C1orf54: variants seen among roughly 807,000 people sequenced by gnomAD.
C1orf54 encodes chromosome 1 open reading frame 54.
C1orf54 carries 12 observed loss-of-function variants against 14.7 expected under a neutral mutation model. That is an observed-to-expected ratio of 0.82 (90% CI 0.52 to 1.32). The LOEUF (loss-of-function observed/expected upper bound fraction) is 1.32, where lower values mean the gene tolerates loss of function less well. Ranked by LOEUF, C1orf54 falls within the 40% of genes most tolerant of loss-of-function variation. The pLI, the probability that C1orf54 is intolerant of heterozygous loss-of-function variation, is 0.00. For missense variants in C1orf54, 163 were observed against 162.2 expected, an observed-to-expected ratio of 1.00 and a Z score of -0.03; for synonymous variants, 65 against 56.3, an observed-to-expected ratio of 1.16 and a Z score of -0.70.
At chr1:150,269,497 C>T (rs1553850838), upstream of C1orf54, 1 of 152,066 alleles carries the variant, frequency 6.6e-6, no homozygotes, top group African/African-American at 2.4e-5. Context: ...ACATGGAATA[C>T]AGTATATCGC....
upstream of C1orf54, chr1:150,269,000 C>T (rs587634729): frequency 1.4e-4 from 77 of 547,786 alleles, no homozygotes; most frequent in East Asian, 1.6e-3. Flanking sequence ...GCCACTTCCT[C>T]TACGGAAGCC....
rs782642891 is a variant in C1orf54 at position 150,279,718 on chromosome 1, G to C, written c.376G>C (p.Val126Leu). ...CCTCCTGTCGTGTGCCTTTGTTCAG[G>C]TGGGGATGTATTTCATGTAGAAGGT... Reference protein sequence around the residue: ...PLLLSCAFVQVGMYFM With the variant: ...PLLLSCAFVQLGMYFM Residue 126 changes from valine to leucine, a missense_variant, in exon 5 of 6, where the codon GTG (valine) becomes CTG (leucine). Val to Leu is a conservative substitution (Grantham distance 32, BLOSUM62 1). Transcript: ENST00000369099. 2.5e-6 allele frequency: 4 copies of C among 1,612,604 alleles called. No individual in the cohort carries two copies. In the Admixed American group the frequency reaches 6.7e-5, roughly 27 times the overall value.
chr1:150,274,326 C>T (rs986956176), intron 2 of C1orf54, among the ~76,000 whole-genome samples, 156 bp downstream of exon 2: 1 of 152,106 alleles, frequency 6.6e-6, no homozygotes, highest in Non-Finnish European at 1.5e-5. Context: ...TGGGGCCGGG[C>T]GTGGTGGCTC....
chr1:150,276,824 A>G (rs1199188647), intron 4 of C1orf54, among the ~76,000 whole-genome samples, 192 bp downstream of exon 4: 5 of 152,168 alleles, frequency 3.3e-5, no homozygotes, highest in Non-Finnish European at 7.4e-5. Context: ...GAACACTGGG[A>G]AGATATGGTA....
At chr1:150,272,676 G>A, upstream of C1orf54, 1 of 780,842 alleles carries the variant, frequency 1.3e-6, no homozygotes, top group South Asian at 1.7e-5. Context: ...TCAGCCAGTA[G>A]GCGGGGAGTT....
upstream of C1orf54, among the ~76,000 whole-genome samples, chr1:150,272,073 G>A (rs1306895732): frequency 6.6e-6 from 1 of 152,098 alleles, no homozygotes; most frequent in African/African-American, 2.4e-5. Flanking sequence ...CCGGGAGGCA[G>A]AGGTTGCAGT....
chr1:150,276,636 A>G lies in C1orf54; in HGVS notation c.300+4A>G. On this transcript the variant is annotated splice_donor_region_variant and intron_variant, in intron 4 of 5. Transcript: ENST00000369099. ...GAAACCAGTAACAACGGAACCTGTG[A>G]GTTGATTGGGGATTGGGGGCTGGGG... The G allele has an allele frequency of 6.2e-7, 1 of 1,610,524 alleles. No homozygotes were observed. Among genetic ancestry groups the G allele is most frequent in the Non-Finnish European group, 8.5e-7 (1 of 1,176,856 alleles).
At chr1:150,269,722 G>A (rs1652063065), upstream of C1orf54, 1 of 152,044 alleles carries the variant, frequency 6.6e-6, no homozygotes. Context: ...AACCTCAGTG[G>A]TGCGTTTTCC....
chr1:150,271,547 TC>T (rs782334399), upstream of C1orf54, among the ~76,000 whole-genome samples: 4 of 152,240 alleles, frequency 2.6e-5, no homozygotes, highest in Non-Finnish European at 5.9e-5. Flanking sequence ...CTTATTAACT[TC>T]CCTTAAGAAC....
At chr1:150,277,228 C>T (rs1220369514) in intron 4 of C1orf54, among the ~76,000 whole-genome samples, 1 of 151,928 alleles carries the variant, frequency 6.6e-6, no homozygotes, top group East Asian at 1.9e-4. Flanking sequence ...CCAGGTATGG[C>T]GGCTTATGCC....
chr1:150,279,589 G>A lies in C1orf54; in HGVS notation c.301-54G>A, dbSNP rs1560046440. ...AGTCTTTCTGGAGGGGGACAGAGAA[G>A]TGGTAGGAGGAATGACACCAGCCTA... On this transcript the variant is annotated intron_variant, in intron 4 of 5. Coordinates refer to ENST00000369099, the MANE Select transcript of C1orf54 (RefSeq NM_024579.4). 4.7e-6 allele frequency: 7 copies of A among 1,496,770 alleles called. No homozygotes were observed. In the East Asian group the frequency reaches 1.2e-4, roughly 25 times the overall value. 92.7% of individuals were successfully genotyped at this position (1,496,770 alleles called of 1,614,324 possible).
intron 2 of C1orf54, 99 bp from the exon 3 acceptor site, chr1:150,275,642 C>A: frequency 3.2e-6 from 3 of 926,898 alleles, no homozygotes; most frequent in Non-Finnish European, 4.9e-6. Context: ...AATGTTACAA[C>A]TTAAGTTAAA....
chr1:150,280,104 G>C (rs1325577291), intron 5 of C1orf54, among the ~76,000 whole-genome samples: 1 of 152,206 alleles, frequency 6.6e-6, no homozygotes, highest in Non-Finnish European at 1.5e-5. Context: ...CAGGCCTGCA[G>C]TCCCAGCTAT....
At chr1:150,270,662 TA>T (rs1329692939), upstream of C1orf54, among the ~76,000 whole-genome samples, 1 of 147,036 alleles carries the variant, frequency 6.8e-6, no homozygotes, top group Non-Finnish European at 1.5e-5. Context: ...AGAAAGAAAA[TA>T]TTTACATGGA....
chr1:150,278,325 G>C (rs1553852905), intron 4 of C1orf54, among the ~76,000 whole-genome samples: 1 of 152,168 alleles, frequency 6.6e-6, no homozygotes, highest in Non-Finnish European at 1.5e-5. Flanking sequence ...TTTAAACATG[G>C]ATGTCTGGGA....
At chr1:150,279,802 A>T in intron 5 of C1orf54, 61 bp downstream of exon 5, 3 of 1,371,524 alleles carry the variant, frequency 2.2e-6, no homozygotes, top group Non-Finnish European at 3.1e-6. Context: ...AACTTCCCAC[A>T]CTAAACCGAA....
intron 2 of C1orf54, among the ~76,000 whole-genome samples, 180 bp from the exon 3 acceptor site, chr1:150,275,561 T>C (rs1358707598): frequency 1.3e-5 from 2 of 152,140 alleles, no homozygotes; most frequent in Non-Finnish European, 2.9e-5. Flanking sequence ...ATACCTACAT[T>C]GAAAATATAA....
upstream of C1orf54, among the ~76,000 whole-genome samples, chr1:150,271,022 G>T (rs1418781302): frequency 6.8e-6 from 1 of 146,176 alleles, no homozygotes; most frequent in Non-Finnish European, 1.5e-5. Flanking sequence ...AAATTAAGAG[G>T]GTAGCGTTAT....
chr1:150,272,081 A>T (rs1553851364), upstream of C1orf54, among the ~76,000 whole-genome samples: 1 of 152,046 alleles, frequency 6.6e-6, no homozygotes, highest in Admixed American at 6.6e-5. Context: ...CAGAGGTTGC[A>T]GTGAGCCGAG....
Sources: gnomAD v4.1 joint callset for allele counts (sites outside exome capture counted in the v4.1 genomes callset) on GRCh38, gnomAD v4.1.1 for gene constraint, MANE v1.5 for transcripts, NCBI Gene and HGNC (gene_info 2026-07-23, HGNC 2026-07-21) for gene names.